The following SPAG5 variants were observed in gnomAD, a reference collection of about 807,000 sequenced individuals.
SPAG5 encodes the protein sperm associated antigen 5, also known as sperm-associated antigen 5.
SPAG5 carries 99 observed loss-of-function variants against 145.4 expected under a neutral mutation model. The observed-to-expected ratio is 0.68, with a 90% confidence interval of 0.58 to 0.80. SPAG5 has a LOEUF of 0.80. Ranked by LOEUF, SPAG5 falls within the 30% of genes least tolerant of loss-of-function variation. SPAG5 has a pLI of 0.00. For missense variants in SPAG5, 1,192 were observed against 1,416.0 expected, an observed-to-expected ratio of 0.84 and a Z score of 2.54; for synonymous variants, 477 against 525.4, an observed-to-expected ratio of 0.91 and a Z score of 1.26.
intron 13 of SPAG5, 22 bp from the exon 14 acceptor site, chr17:28,584,008 C>CA (rs2070566484): frequency 6.2e-6 from 10 of 1,613,782 alleles, no homozygotes; most frequent in Non-Finnish European, 7.6e-6. Context: ...AGAGAAGGAG[C>CA]AAGACAGGGA....
At position 28,585,206 on chromosome 17, in the gene SPAG5, A is replaced by G. The variant is rs377633392; in HGVS notation, c.1963T>C (p.Trp655Arg). 1 of 1,614,202 alleles carries G rather than the reference A, an allele frequency of 6.2e-7. No individual in the cohort carries two copies. The highest frequency in any genetic ancestry group is 1.6e-4 in the Middle Eastern group (1 of 6,062). Reference protein sequence around the residue: ...WRSMQLDYTTWTALLSRSRQL... With the variant: ...WRSMQLDYTTRTALLSRSRQL... ...CGGGACCGACTCAGCAAAGCTGTCC[A>G]TGTTGTATACTACCAGGGGAAGCAA... is the stretch of plus-strand genomic sequence containing the variant. The change falls in exon 10 of 24, where the codon TGG becomes CGG. Residue 655 changes from tryptophan to arginine, a missense_variant. Physicochemically the swap from Trp to Arg is moderately radical, Grantham distance 101. Around this residue, in one of 5 missense-constraint regions of SPAG5, gnomAD observed 709 missense variants for 840.7 expected, o/e 0.84. Transcript: ENST00000321765.
chr17:28,598,922 G>A lies in SPAG5; in HGVS notation c.25C>T (p.Leu9Phe). Residue 9 changes from leucine to phenylalanine, a missense_variant, in exon 1 of 24, where the codon CTC becomes TTC. Around this residue, in one of 5 missense-constraint regions of SPAG5, gnomAD observed 329 missense variants for 354.0 expected, o/e 0.93. Transcript: ENST00000321765. The part of the protein sequence containing the change: MWRVKKLS[L>F]SLSPSPQTGK... Reference sequence around the variant, plus strand: ...GTCTGGGGCGAAGGCGACAGGCTGAGGCTCAGTTTTTTCACTCGCCACATC... The same window carrying A: ...GTCTGGGGCGAAGGCGACAGGCTGAAGCTCAGTTTTTTCACTCGCCACATC... The A allele has an allele frequency of 6.2e-7, 1 of 1,614,050 alleles. No individual in the cohort carries two copies. The highest frequency in any genetic ancestry group is 8.5e-7 in the Non-Finnish European group (1 of 1,180,006).
intron 15 of SPAG5, among the ~76,000 whole-genome samples, chr17:28,582,118 C>G (rs1036798944): frequency 1.3e-5 from 2 of 152,182 alleles, no homozygotes; most frequent in Non-Finnish European, 2.9e-5. Context: ...TATTTCAAGC[C>G]TTCAAAATCT....
At chr17:28,585,031 G>T in intron 10 of SPAG5, 71 bp downstream of exon 10, 1 of 1,372,592 alleles carries the variant, frequency 7.3e-7, no homozygotes, top group Non-Finnish European at 1.0e-6. Context: ...ACAGATCCAG[G>T]GTAAGAGGCT....
rs1353922323 is a variant in SPAG5, at chr17:28,585,425, A to T, written c.1861-14T>A. ...ATGAAGCCCTACCTACAAAAGAAAG[A>T]TTGCCTAGGCGGGAACCCCTTCCCT... On this transcript the variant is annotated splice_polypyrimidine_tract_variant and intron_variant, in intron 8 of 23. Transcript: ENST00000321765. The T allele has an allele frequency of 6.2e-7, 1 of 1,614,104 alleles. No homozygotes were observed. The highest frequency in any genetic ancestry group is 8.5e-7 in the Non-Finnish European group (1 of 1,179,998).
chr17:28,591,861 T>G lies in SPAG5; in HGVS notation c.1274A>C (p.Asp425Ala), dbSNP rs1490208059. Residue 425 changes from aspartate (D) to alanine (A), a missense_variant, in exon 4 of 24, where the codon GAT becomes GCT. Physicochemically the swap from Asp to Ala is moderately radical, Grantham distance 126 (BLOSUM62 -2). This residue lies in a region of SPAG5 where 125 missense variants were observed against 143.8 expected (regional missense o/e 0.87). Transcript: ENST00000321765. Reference sequence around the variant, plus strand: ...GTCATGTCGAGACAAGGCAGTCAGATCTGGAGGCCGGCTGCAGCAGAAAGA... The same window carrying G: ...GTCATGTCGAGACAAGGCAGTCAGAGCTGGAGGCCGGCTGCAGCAGAAAGA... ...TEQLLCGRPP[D>A]LTALSRHDLE... is the part of the protein sequence containing the mutation. 1.9e-6 allele frequency: 3 copies of G among 1,613,340 alleles called. No individual in the cohort carries two copies. The African/African-American group carries it at 4.0e-5, about 22-fold the overall frequency.
intron 15 of SPAG5, among the ~76,000 whole-genome samples, chr17:28,581,050 T>C (rs2070546387): frequency 6.6e-6 from 1 of 152,184 alleles, no homozygotes; most frequent in East Asian, 1.9e-4. Flanking sequence ...TTTACTATTC[T>C]AGAGCAGGGA....
Position 28,578,673 on chromosome 17 carries a change from A to G in SPAG5, c.3197T>C (p.Ile1066Thr), listed in dbSNP as rs562811960. 1.1e-5 allele frequency: 18 copies of G among 1,613,494 alleles called. No individual in the cohort carries two copies. The East Asian group carries it at 1.6e-4, about 14-fold the overall frequency. ...GCCTGGGCATGATGGTGAACATACTATGAGCTCGCCACTCTTGTCTATCTG... is the reference window on the plus strand; with the variant it reads ...GCCTGGGCATGATGGTGAACATACTGTGAGCTCGCCACTCTTGTCTATCTG... Reference protein sequence around the residue: ...LEQIDKSGELISLREEVTHLT... With the variant: ...LEQIDKSGELTSLREEVTHLT... The change falls in exon 20 of 24, where the codon ATA becomes ACA. Residue 1066 changes from isoleucine to threonine, a missense_variant and splice_region_variant. Physicochemically the swap from Ile to Thr is moderately conservative, Grantham distance 89. This residue lies in a region of SPAG5 where 709 missense variants were observed against 840.7 expected (regional missense o/e 0.84). Coordinates refer to ENST00000321765, the MANE Select transcript of SPAG5 (RefSeq NM_006461.4).
intron 11 of SPAG5, 51 bp from the exon 12 acceptor site, chr17:28,584,531 C>G (rs1226277777): frequency 1.2e-6 from 2 of 1,612,136 alleles, no homozygotes; most frequent in East Asian, 2.2e-5. Context: ...GCTAGAAACT[C>G]CCCAAACTTC....
rs373471998 is a variant in SPAG5, at chr17:28,585,559, A to T, written c.1835T>A (p.Leu612His). ...CAGTTGGGTCTGGGCATCCTTCAGA[A>T]GGCCTCTGAATTCCCGCATGGATGC... ...DLASMREFRGLLKDAQTQLVG... is the reference protein window; with the variant it reads ...DLASMREFRGHLKDAQTQLVG... The change falls in exon 8 of 24, where the codon CTT (leucine) becomes CAT (histidine). Residue 612 changes from leucine (L) to histidine (H), a missense_variant. Coordinates refer to ENST00000321765, the MANE Select transcript of SPAG5 (RefSeq NM_006461.4). 6.5e-5 allele frequency: 105 copies of T among 1,613,972 alleles called. No individual in the cohort carries two copies. The highest frequency in any genetic ancestry group is 8.6e-5 in the Non-Finnish European group (101 of 1,180,030).
In SPAG5 at chr17:28,580,046, G is replaced by C. The variant is rs748992409; in HGVS notation, c.2760C>G (p.Thr920=). 16 of 1,614,016 alleles carry C rather than the reference G, an allele frequency of 9.9e-6. No individual in the cohort carries two copies. Among genetic ancestry groups the C allele is most frequent in the Non-Finnish European group, 1.2e-5 (14 of 1,179,952 alleles). ...CTGCTGTCAAGATGCTTCCCAGGAAGGTCCTGTCATTAGGCAGAGGGTGTT... is the reference window on the plus strand; with the variant it reads ...CTGCTGTCAAGATGCTTCCCAGGAACGTCCTGTCATTAGGCAGAGGGTGTT... ...TQEHPLPNDR[T]FLGSILTAVA... The change falls in exon 16 of 24, where the codon ACC becomes ACG. Residue 920 remains threonine, a synonymous_variant. Transcript: ENST00000321765.
In SPAG5 at chr17:28,596,042, G is replaced by A. The variant is rs560904285; in HGVS notation, c.177+2468C>T. ...AGCCTGGGTGACAGAGCAAGACTCCGTCTCAAAAAAAAAATCTGCCAGGCG... is the reference window on the plus strand; with the variant it reads ...AGCCTGGGTGACAGAGCAAGACTCCATCTCAAAAAAAAAATCTGCCAGGCG... On this transcript the variant is annotated intron_variant, in intron 2 of 23. Coordinates refer to ENST00000321765, the MANE Select transcript of SPAG5 (RefSeq NM_006461.4). Among the ~76,000 whole-genome samples the A allele has an allele frequency of 1.9e-4, 29 of 149,056 alleles. 1 individual carries two copies. Among genetic ancestry groups the A allele is most frequent in the African/African-American group, 6.7e-4 (27 of 40,384 alleles).
At position 28,579,369 on chromosome 17, in the gene SPAG5, T is replaced by C. The variant is rs533744409; in HGVS notation, c.3001A>G (p.Lys1001Glu). 6.2e-7 allele frequency: 1 copy of C among 1,614,132 alleles called. No homozygotes were observed. Among genetic ancestry groups the C allele is most frequent in the South Asian group, 1.1e-5 (1 of 91,068 alleles). ...KEEAIRTLQR[K>E]ICELQARLQA... ...CCAAAACTGCATCCCACTCACATTT[T>C]TCGCTGCAGAGTCCTGATGGCTTCT... Residue 1001 changes from lysine (K) to glutamate (E), a missense_variant, in exon 18 of 24, where the codon AAA (lysine) becomes GAA (glutamate). Physicochemically the swap from Lys to Glu is moderately conservative, Grantham distance 56. Coordinates refer to ENST00000321765, the MANE Select transcript of SPAG5 (RefSeq NM_006461.4).
intron 15 of SPAG5, among the ~76,000 whole-genome samples, chr17:28,581,928 C>T (rs1395016781): frequency 6.6e-6 from 1 of 152,222 alleles, no homozygotes; most frequent in Non-Finnish European, 1.5e-5. Context: ...CACACTAACA[C>T]AGCTGACCCG....
rs1331910033 is a variant in SPAG5 at position 28,591,991 on chromosome 17, A to C, written c.1253T>G (p.Leu418Arg). The stretch of plus-strand genomic sequence containing the variant: ...ACATAGGGGCGCTTACCCACACAGG[A>C]GCTGCTCTGTCTCAGAAGTACTGTG... ...TKHSTSETEQ[L>R]LCGRPPDLTA... Residue 418 changes from leucine (L) to arginine (R), a missense_variant, in exon 3 of 24, where the codon CTC becomes CGC. Transcript: ENST00000321765. 1 of 1,613,950 alleles carries C rather than the reference A, an allele frequency of 6.2e-7. No homozygotes were observed.
rs373968328 is a variant in SPAG5 at position 28,585,436 on chromosome 17, G to A, written c.1861-25C>T. The A allele has an allele frequency of 2.6e-5, 42 of 1,613,774 alleles. No homozygotes were observed. The East Asian group carries it at 4.0e-4, about 15-fold the overall frequency. ...CCTACAAAAGAAAGATTGCCTAGGC[G>A]GGAACCCCTTCCCTTTGGATACAGC... On this transcript the variant is annotated intron_variant, in intron 8 of 23. Transcript: ENST00000321765.
intron 4 of SPAG5, among the ~76,000 whole-genome samples, chr17:28,587,952 T>C (rs1299730021): frequency 1.3e-5 from 2 of 152,176 alleles, no homozygotes; most frequent in African/African-American, 2.4e-5. Context: ...ATAAAACTCA[T>C]AGTATGCATA....
In SPAG5 at chr17:28,585,636, C is replaced by T. The variant is rs1476878393; in HGVS notation, c.1758G>A (p.Glu586=). Residue 586 remains glutamate (E), a synonymous_variant, in exon 8 of 24, where the codon GAG becomes GAA. Transcript: ENST00000321765. ...RGKDAAEIVL[E]AFCAHASQRI... Reference sequence around the variant, plus strand: ...GCTGGCTGGCGTGTGCACAGAAAGCCTCCAACACTATCTCTGCCTATTGAG... The same window carrying T: ...GCTGGCTGGCGTGTGCACAGAAAGCTTCCAACACTATCTCTGCCTATTGAG... The T allele has an allele frequency of 1.9e-6, 3 of 1,613,936 alleles. No individual in the cohort carries two copies. Among genetic ancestry groups the T allele is most frequent in the Admixed American group, 1.7e-5 (1 of 60,030 alleles).
chr17:28,585,795 AT>A, intron 7 of SPAG5, 68 bp downstream of exon 7: 4 of 1,611,960 alleles, frequency 2.5e-6, no homozygotes, highest in Non-Finnish European at 3.4e-6. Flanking sequence ...TCTAAAGTGC[AT>A]TTGTGTTCCT....
Sources: allele counts gnomAD v4.1 joint callset (sites outside exome capture counted in the v4.1 genomes callset), GRCh38; gene constraint gnomAD v4.1.1; regional missense constraint gnomAD v4.1.1; transcripts MANE v1.5; gene names NCBI Gene and HGNC (gene_info 2026-07-23, HGNC 2026-07-21).